The following STIM1 variants were observed in gnomAD, a reference collection of about 807,000 sequenced individuals.
STIM1 encodes the protein stromal interaction molecule 1.
Under a neutral mutation model 74.7 loss-of-function variants are expected in STIM1, and 25 were observed. The ratio of observed to expected loss-of-function variants is 0.33; its 90% CI spans 0.24 to 0.47. The LOEUF (loss-of-function observed/expected upper bound fraction) is 0.47, where lower values mean the gene tolerates loss of function less well. STIM1 is among the 20% of genes least tolerant of loss of function. The pLI, the probability that STIM1 is intolerant of heterozygous loss-of-function variation, is 1.00. For synonymous variants in STIM1, 328 were observed against 348.8 expected, an observed-to-expected ratio of 0.94 and a Z score of 0.66; for missense variants, 728 against 920.8, an observed-to-expected ratio of 0.79 and a Z score of 2.71.
intron 1 of STIM1, among the ~76,000 whole-genome samples, chr11:3,954,946 A>G (rs1460478090): frequency 6.6e-6 from 1 of 152,366 alleles, no homozygotes; most frequent in East Asian, 1.9e-4. Flanking sequence ...AGACTTGTAC[A>G]TGAATACTCA....
At chr11:4,033,837 G>T (rs992708794) in intron 3 of STIM1, among the ~76,000 whole-genome samples, 20 of 151,782 alleles carry the variant, frequency 1.3e-4, no homozygotes, top group African/African-American at 4.8e-4. Flanking sequence ...CTGACCTCGT[G>T]ATCTGCCCGC....
chr11:4,009,525 T>C (rs2093815695), intron 2 of STIM1, among the ~76,000 whole-genome samples: 1 of 151,092 alleles, frequency 6.6e-6, no homozygotes, highest in South Asian at 2.1e-4. Context: ...GGAGAATTGC[T>C]TGAACCCGGC....
chr11:3,894,317 G>A (rs1031303697), intron 1 of STIM1, among the ~76,000 whole-genome samples: 2 of 152,038 alleles, frequency 1.3e-5, no homozygotes, highest in African/African-American at 4.8e-5. Context: ...AAAGGGCCCC[G>A]TATGTTTTCA....
intron 1 of STIM1, among the ~76,000 whole-genome samples, chr11:3,963,298 C>T (rs552211304): frequency 1.3e-5 from 2 of 152,268 alleles, no homozygotes; most frequent in Non-Finnish European, 2.9e-5. Context: ...TCCATGTGTT[C>T]TCATCATTTA....
intron 1 of STIM1, among the ~76,000 whole-genome samples, chr11:3,895,604 C>CTCTCTTTCTCTCTTTCTCTCTT (rs2092040689): frequency 2.8e-5 from 1 of 35,102 alleles, no homozygotes; most frequent in African/African-American, 1.8e-4. Context: ...TTCTTTCTTT[C>CTCTCTTTCTCTCTTTCTCTCTT]TCTCTCTTTC....
At chr11:3,877,137 T>C (rs760705445) in intron 1 of STIM1, among the ~76,000 whole-genome samples, 1 of 152,166 alleles carries the variant, frequency 6.6e-6, no homozygotes, top group Non-Finnish European at 1.5e-5. Context: ...CTTGATGGTT[T>C]GCAAAGTGTG....
rs143967344 is a variant in STIM1, at chr11:3,997,773, G to A, written c.271-26100G>A. Among the ~76,000 whole-genome samples, 566 of 152,292 alleles carry A rather than the reference G, an allele frequency of 3.7e-3. 3 individuals carry two copies. The highest frequency in any genetic ancestry group is 0.013 in the African/African-American group (539 of 41,548). ...GAGGAAGTGGCAACTGATGCACTGA[G>A]GAAGGCCAGCCCATAGAGGAGGGAG... On this transcript the variant is annotated intron_variant, in intron 2 of 12. Coordinates refer to ENST00000526596, the MANE Select transcript of STIM1 (RefSeq NM_001382567.1).
chr11:4,053,841 T>A (rs1016868571), intron 3 of STIM1, among the ~76,000 whole-genome samples: 15 of 152,052 alleles, frequency 9.9e-5, no homozygotes, highest in Non-Finnish European at 1.8e-4. Flanking sequence ...ATTCTGGAGT[T>A]CAAGCAATCT....
At chr11:3,895,706 CTT>C (rs1241335180) in intron 1 of STIM1, among the ~76,000 whole-genome samples, 1 of 33,286 alleles carries the variant, frequency 3.0e-5, no homozygotes, top group African/African-American at 2.1e-4. Flanking sequence ...TTCTTTCTTT[CTT>C]TCTTTCTTTC....
At chr11:3,878,846 G>A (rs891640711) in intron 1 of STIM1, among the ~76,000 whole-genome samples, 16 of 152,106 alleles carry the variant, frequency 1.1e-4, no homozygotes, top group African/African-American at 3.9e-4. Context: ...CCAGCTGCTC[G>A]GCTGCCTATC....
At chr11:3,969,836 C>T (rs529722145) in intron 2 of STIM1, among the ~76,000 whole-genome samples, 6 of 152,286 alleles carry the variant, frequency 3.9e-5, no homozygotes, top group South Asian at 2.1e-4. Flanking sequence ...GCAAAGACAA[C>T]GACCATGATG....
chr11:3,981,691 A>G (rs1181966295), intron 2 of STIM1, among the ~76,000 whole-genome samples: 1 of 152,144 alleles, frequency 6.6e-6, no homozygotes, highest in Non-Finnish European at 1.5e-5. Context: ...ATATGTTAGT[A>G]TATGACCTAT....
At chr11:4,083,775 C>T in intron 10 of STIM1, 1 of 461,180 alleles carries the variant, frequency 2.2e-6, no homozygotes, top group East Asian at 3.8e-5. Context: ...CCCTAACTAC[C>T]ACTCTATCTA....
intron 1 of STIM1, among the ~76,000 whole-genome samples, chr11:3,923,701 T>C (rs543229739): frequency 6.6e-6 from 1 of 152,110 alleles, no homozygotes; most frequent in Admixed American, 6.6e-5. Flanking sequence ...TTCCACACTC[T>C]CTATTCTAAT....
intron 1 of STIM1, among the ~76,000 whole-genome samples, chr11:3,858,517 TGTG>T (rs2090476590): frequency 6.6e-6 from 1 of 152,206 alleles, no homozygotes; most frequent in African/African-American, 2.4e-5. Flanking sequence ...GCACTATTGT[TGTG>T]GTAGGTTTTC....
intron 1 of STIM1, chr11:3,892,937 A>G (rs1346754868): frequency 2.7e-6 from 3 of 1,127,908 alleles, no homozygotes; most frequent in East Asian, 2.4e-5. Flanking sequence ...AAAGACTTTT[A>G]TGTTTTATTT....
chr11:4,048,796 C>T (rs1189951552), intron 3 of STIM1, among the ~76,000 whole-genome samples: 3 of 151,720 alleles, frequency 2.0e-5, no homozygotes, highest in East Asian at 3.9e-4. Flanking sequence ...TGCAGTGGCA[C>T]GATCTCAGCT....
chr11:4,019,180 T>C (rs2093932064), intron 2 of STIM1: 1 of 152,462 alleles, frequency 6.6e-6, no homozygotes, highest in Non-Finnish European at 1.5e-5. Context: ...ATTAGCTGTT[T>C]GTACATAAAA....
intron 3 of STIM1, among the ~76,000 whole-genome samples, chr11:4,033,252 T>C (rs1209526013): frequency 1.3e-5 from 2 of 152,208 alleles, no homozygotes; most frequent in Admixed American, 1.3e-4. Context: ...GCTATTTTGG[T>C]TACTGTAGCC....
Sources: allele counts gnomAD v4.1 joint callset (sites outside exome capture counted in the v4.1 genomes callset), GRCh38; gene constraint gnomAD v4.1.1; transcripts MANE v1.5; gene names NCBI Gene and HGNC (gene_info 2026-07-23, HGNC 2026-07-21).